The following GRK7 variants were observed in gnomAD, a reference collection of about 807,000 sequenced individuals.
GRK7 encodes G protein-coupled receptor kinase 7.
A neutral mutation model predicts 34.1 loss-of-function variants in GRK7; 24 were observed. The ratio of observed to expected loss-of-function variants is 0.70; its 90% confidence interval spans 0.51 to 0.99. The LOEUF (loss-of-function observed/expected upper bound fraction) is 0.99, where lower values mean the gene tolerates loss of function less well. Among genes scored for constraint, GRK7 ranks in the 50% least tolerant of loss-of-function variants. The pLI is 0.00. For synonymous variants in GRK7, 256 were observed against 279.4 expected (o/e 0.92, Z 0.84); for missense variants, 644 against 707.3 (o/e 0.91, Z 1.02).
At chr3:141,810,484 A>G (rs1278914781) in intron 5 of GRK7, among the ~76,000 whole-genome samples, 1 of 151,792 alleles carries the variant, frequency 6.6e-6, no homozygotes, top group Non-Finnish European at 1.5e-5. Flanking sequence ...ACCCTCTCAC[A>G]TTCAGTTATT....
At chr3:141,791,466 G>A (rs928203695) in intron 4 of GRK7, among the ~76,000 whole-genome samples, 1 of 152,002 alleles carries the variant, frequency 6.6e-6, no homozygotes, top group African/African-American at 2.4e-5. Context: ...ACTTTGGCCT[G>A]ACCAAAAGGA....
intron 4 of GRK7, among the ~76,000 whole-genome samples, chr3:141,802,547 C>G (rs1710981526): frequency 6.6e-6 from 1 of 152,184 alleles, no homozygotes; most frequent in African/African-American, 2.4e-5. Flanking sequence ...TATTGGTGTA[C>G]TGGACCACAA....
intron 5 of GRK7, among the ~76,000 whole-genome samples, chr3:141,808,949 C>T (rs1038927844): frequency 2.6e-5 from 4 of 151,928 alleles, no homozygotes; most frequent in Non-Finnish European, 2.9e-5. Context: ...TGGTTCACGC[C>T]AGCACTTTGG....
At chr3:141,767,261 T>C (rs894653393) in intron 1 of GRK7, among the ~76,000 whole-genome samples, 4 of 152,252 alleles carry the variant, frequency 2.6e-5, no homozygotes, top group African/African-American at 9.6e-5. Context: ...GGCTTCCTGT[T>C]GATAAAAAGA....
rs374166853 is a variant in GRK7, at chr3:141,795,653, C to T, written c.1051-11992C>T. 3.2e-4 allele frequency among the ~76,000 whole-genome samples: 49 copies of T among 152,198 alleles called. 1 individual carries two copies. In the South Asian group the frequency reaches 1.0e-2, roughly 31 times the overall value. ...TTAGCAGGGAAGTGACAAAATCAAT[C>T]TTGGGGCCAGGTGTGGTGGCTAATG... On this transcript the variant is annotated intron_variant, in intron 4 of 5. Coordinates refer to ENST00000682958, the MANE Select transcript of GRK7 (RefSeq NM_139209.3).
chr3:141,806,364 A>T (rs940457570), intron 4 of GRK7, among the ~76,000 whole-genome samples: 5 of 152,024 alleles, frequency 3.3e-5, no homozygotes, highest in Non-Finnish European at 7.4e-5. Flanking sequence ...GGGGTTCAAG[A>T]CCAGCCTGGC....
At chr3:141,796,598 G>C (rs1710881814) in intron 4 of GRK7, among the ~76,000 whole-genome samples, 2 of 152,188 alleles carry the variant, frequency 1.3e-5, no homozygotes, top group Admixed American at 1.3e-4. Context: ...TGAGCAGCTT[G>C]CATCTGGGTT....
At chr3:141,813,851 G>A (rs945628899) in intron 5 of GRK7, among the ~76,000 whole-genome samples, 27 of 152,182 alleles carry the variant, frequency 1.8e-4, no homozygotes, top group Admixed American at 1.0e-3. Context: ...AGCACATAAA[G>A]GAGTCAAAAA....
chr3:141,795,224 G>A (rs961355944), intron 4 of GRK7, among the ~76,000 whole-genome samples: 1 of 152,206 alleles, frequency 6.6e-6, no homozygotes, highest in African/African-American at 2.4e-5. Flanking sequence ...TCAATGGCGG[G>A]TGATTGTGCC....
At chr3:141,788,780 C>T (rs980257076) in intron 4 of GRK7, among the ~76,000 whole-genome samples, 1 of 152,174 alleles carries the variant, frequency 6.6e-6, no homozygotes, top group Non-Finnish European at 1.5e-5. Flanking sequence ...TAAGACGTCT[C>T]TGCAATTGCT....
At chr3:141,781,077 G>C (rs1263442675) in intron 4 of GRK7, among the ~76,000 whole-genome samples, 2 of 152,140 alleles carry the variant, frequency 1.3e-5, no homozygotes, top group African/African-American at 2.4e-5. Flanking sequence ...TTTGTGATGA[G>C]ATGGAAAAAG....
At chr3:141,775,463 A>T (rs1376493181) in intron 2 of GRK7, among the ~76,000 whole-genome samples, 1 of 152,188 alleles carries the variant, frequency 6.6e-6, no homozygotes, top group Non-Finnish European at 1.5e-5. Flanking sequence ...TAGAAAACAG[A>T]TGATAAGAAA....
chr3:141,798,558 C>T (rs1410569518), intron 4 of GRK7, among the ~76,000 whole-genome samples: 1 of 152,156 alleles, frequency 6.6e-6, no homozygotes, highest in African/African-American at 2.4e-5. Context: ...CTGAAGGAGA[C>T]GGTTCTGATG....
At chr3:141,788,125 G>C (rs1421760757) in intron 4 of GRK7, among the ~76,000 whole-genome samples, 1 of 152,216 alleles carries the variant, frequency 6.6e-6, no homozygotes, top group Non-Finnish European at 1.5e-5. Flanking sequence ...CTTCCAAGTG[G>C]GTAACTCTTC....
chr3:141,761,673 A>C (rs1466108046), upstream of GRK7, among the ~76,000 whole-genome samples: 1 of 119,540 alleles, frequency 8.4e-6, no homozygotes, highest in Non-Finnish European at 1.7e-5. Flanking sequence ...GCCTTGCTAG[A>C]CTGGGGAAGT....
At chr3:141,804,799 ACACACATG>A (rs3057589) in intron 4 of GRK7, among the ~76,000 whole-genome samples, 4,680 of 151,394 alleles carry the variant, frequency 0.031, 232 homozygotes, top group African/African-American at 0.11. Flanking sequence ...ACGCACACAT[ACACACATG>A]CACATACAAA....
intron 4 of GRK7, among the ~76,000 whole-genome samples, chr3:141,801,912 G>T (rs1710972722): frequency 6.6e-6 from 1 of 152,014 alleles, no homozygotes; most frequent in South Asian, 2.1e-4. Context: ...AAAAATAGAA[G>T]AATTGGGGAA....
chr3:141,775,657 G>A (rs908238625), intron 2 of GRK7, among the ~76,000 whole-genome samples: 3 of 151,914 alleles, frequency 2.0e-5, no homozygotes, highest in African/African-American at 2.4e-5. Context: ...CAGATTCTGC[G>A]AACTCAGGAC....
intron 2 of GRK7, among the ~76,000 whole-genome samples, chr3:141,777,635 G>A (rs1178588422): frequency 1.3e-5 from 2 of 151,612 alleles, no homozygotes; most frequent in Non-Finnish European, 1.5e-5. Context: ...ACTCCTCAGA[G>A]CTAAGACAGC....
Sources: allele counts gnomAD v4.1 joint callset (sites outside exome capture counted in the v4.1 genomes callset), GRCh38; gene constraint gnomAD v4.1.1; transcripts MANE v1.5; gene names NCBI Gene and HGNC (gene_info 2026-07-23, HGNC 2026-07-21).